The following PTPN3 variants were observed in gnomAD, a reference collection of about 807,000 sequenced individuals.
PTPN3 encodes tyrosine-protein phosphatase non-receptor type 3.
In PTPN3, 96 loss-of-function variants were observed where a neutral mutation model predicts 132.7. The ratio of observed to expected loss-of-function variants is 0.72; its 90% confidence interval spans 0.61 to 0.86. The LOEUF (loss-of-function observed/expected upper bound fraction) is 0.86, where lower values mean the gene tolerates loss of function less well. Ranked by LOEUF, PTPN3 falls within the 40% of genes least tolerant of loss-of-function variation. The probability of loss-of-function intolerance (pLI) is 0.00; values close to 1 mark genes in which losing one functional copy is unlikely to be tolerated. For synonymous variants in PTPN3, 398 were observed against 429.0 expected (o/e 0.93, Z 0.89); for missense variants, 1,125 against 1,159.6 (o/e 0.97, Z 0.43).
intron 24 of PTPN3, 89 bp from the exon 25 acceptor site, chr9:109,381,876 G>A (rs1184044502): frequency 7.3e-6 from 11 of 1,501,342 alleles, no homozygotes; most frequent in Non-Finnish European, 1.0e-5. Context: ...ACTCCAAAGG[G>A]GCTTTCCTCC....
chr9:109,533,875 C>A, the PTPN3 span: 2 of 768,420 alleles, frequency 2.6e-6, no homozygotes, highest in Non-Finnish European at 4.6e-6. Context: ...GTGGAGGACC[C>A]CTACGACGTG....
chr9:109,402,260 G>C (rs1205091425), intron 19 of PTPN3, among the ~76,000 whole-genome samples: 1 of 152,072 alleles, frequency 6.6e-6, no homozygotes, highest in Non-Finnish European at 1.5e-5. Context: ...GAAAGGCAAG[G>C]CCAGAGAAGA....
intron 1 of PTPN3, among the ~76,000 whole-genome samples, chr9:109,486,303 C>A (rs1203251851): frequency 6.6e-6 from 1 of 152,184 alleles, no homozygotes; most frequent in Non-Finnish European, 1.5e-5. Context: ...GGAGCCTGCA[C>A]AGAATGAGGT....
intron 1 of PTPN3, among the ~76,000 whole-genome samples, chr9:109,496,638 G>C (rs557149466): frequency 5.9e-5 from 9 of 152,316 alleles, no homozygotes; most frequent in Admixed American, 3.9e-4. Context: ...TATTACAAAA[G>C]CACAAGATGA....
At chr9:109,383,159 T>A (rs1588284438) in intron 23 of PTPN3, 2 of 525,664 alleles carry the variant, frequency 3.8e-6, no homozygotes, top group East Asian at 3.5e-5. Context: ...AAAGGCTGAA[T>A]CATATTCCAT....
intron 1 of PTPN3, among the ~76,000 whole-genome samples, chr9:109,470,164 A>C (rs1846306244): frequency 6.6e-6 from 1 of 152,190 alleles, no homozygotes; most frequent in Admixed American, 6.5e-5. Flanking sequence ...CATCAAATTA[A>C]GTGCACTTCT....
chr9:109,381,633 T>A lies in PTPN3; in HGVS notation c.2664+19A>T. The A allele has an allele frequency of 6.2e-7, 1 of 1,614,034 alleles. No individual in the cohort carries two copies. The highest frequency in any genetic ancestry group is 8.5e-7 in the Non-Finnish European group (1 of 1,179,866). On this transcript the variant is annotated intron_variant, in intron 25 of 25. Coordinates refer to ENST00000374541, the MANE Select transcript of PTPN3 (RefSeq NM_002829.4). ...GCTCAGAAAGTGCCAGCCACCGTAATTACTGGATTTCTACTCACTGATGTC... is the reference window on the plus strand; with the variant it reads ...GCTCAGAAAGTGCCAGCCACCGTAAATACTGGATTTCTACTCACTGATGTC...
At chr9:109,530,497 T>G in the PTPN3 span, among the ~76,000 whole-genome samples, 2 of 152,238 alleles carry the variant, frequency 1.3e-5, no homozygotes, top group Non-Finnish European at 2.9e-5. Context: ...CTTCTATTTT[T>G]GGGGTATTGT....
chr9:109,436,779 C>A, intron 9 of PTPN3, 104 bp downstream of exon 9: 6 of 1,446,292 alleles, frequency 4.1e-6, no homozygotes, highest in South Asian at 1.5e-5. Flanking sequence ...TTAAAAAGTC[C>A]TGTTATAATG....
chr9:109,469,891 A>C (rs573739959), intron 1 of PTPN3, among the ~76,000 whole-genome samples: 183 of 152,260 alleles, frequency 1.2e-3, no homozygotes, highest in African/African-American at 4.2e-3. Flanking sequence ...CATTCAAGGG[A>C]AACAGGGACA....
intron 10 of PTPN3, 166 bp from the exon 11 acceptor site, chr9:109,428,850 G>A: frequency 1.0e-6 from 1 of 985,428 alleles, no homozygotes; most frequent in Admixed American, 6.1e-5. Context: ...CACTGCCGCA[G>A]GCTAATACCA....
intron 16 of PTPN3, 47 bp from the exon 17 acceptor site, chr9:109,408,424 A>ACAAG (rs2131744009): frequency 1.4e-6 from 2 of 1,385,182 alleles, no homozygotes; most frequent in Non-Finnish European, 2.0e-6. Flanking sequence ...TTTAAGTTAA[A>ACAAG]CAAACAAACA....
intron 1 of PTPN3, among the ~76,000 whole-genome samples, chr9:109,479,852 G>A (rs1846877196): frequency 6.6e-6 from 1 of 152,194 alleles, no homozygotes. Context: ...TTACAGGCCT[G>A]AGCCTCTGTG....
chr9:109,451,173 G>A, intron 5 of PTPN3: 1 of 959,478 alleles, frequency 1.0e-6, no homozygotes, highest in Non-Finnish European at 1.2e-6. Context: ...AGGATCCTTT[G>A]AGTCCAGGAG....
At chr9:109,394,784 A>G (rs548715380) in intron 19 of PTPN3, among the ~76,000 whole-genome samples, 2 of 152,268 alleles carry the variant, frequency 1.3e-5, no homozygotes, top group Non-Finnish European at 2.9e-5. Context: ...TATATCTGCA[A>G]TGAGCACTGG....
chr9:109,450,808 G>C (rs1244147934), intron 5 of PTPN3: 1 of 985,374 alleles, frequency 1.0e-6, no homozygotes, highest in Non-Finnish European at 1.2e-6. Flanking sequence ...CTCTCTTGTG[G>C]GTACCCCACC....
chr9:109,469,240 C>A (rs1846250826), intron 1 of PTPN3, among the ~76,000 whole-genome samples: 1 of 152,190 alleles, frequency 6.6e-6, no homozygotes, highest in Admixed American at 6.5e-5. Flanking sequence ...GGAAACTGTT[C>A]TTTCGCAAGC....
At chr9:109,451,313 T>C (rs1409409805) in intron 5 of PTPN3, 1 of 984,212 alleles carries the variant, frequency 1.0e-6, no homozygotes, top group Admixed American at 6.1e-5. Flanking sequence ...CCTGTTGCAG[T>C]AAGATAAATC....
rs1396543362 is a variant in PTPN3, at chr9:109,420,573, G to C, written c.1164C>G (p.Ile388Met). ...NWRSPRLRHE[I>M]RKPRHSSADN... ...CTGCAGAAGAGTGGCGTGGCTTTCG[G>C]ATTTCGTGCCGGAGCCGAGGACTTC... Residue 388 changes from isoleucine (I) to methionine (M), a missense_variant, in exon 14 of 26, where the codon ATC becomes ATG. By Grantham distance (10) the Ile-to-Met change is conservative. Coordinates refer to ENST00000374541, the MANE Select transcript of PTPN3 (RefSeq NM_002829.4). 2 of 1,611,468 alleles carry C rather than the reference G, an allele frequency of 1.2e-6. No individual in the cohort carries two copies. The highest frequency in any genetic ancestry group is 1.3e-5 in the African/African-American group (1 of 74,874).
Sources: allele counts gnomAD v4.1 joint callset (sites outside exome capture counted in the v4.1 genomes callset), GRCh38; gene constraint gnomAD v4.1.1; transcripts MANE v1.5; gene names NCBI Gene and HGNC (gene_info 2026-07-23, HGNC 2026-07-21).